The following NELL1 variants were observed in gnomAD, a reference collection of about 807,000 sequenced individuals.
NELL1 encodes the protein neural EGFL like 1, also known as protein kinase C-binding protein NELL1.
In NELL1, 76 loss-of-function variants were observed where a neutral mutation model predicts 107.4. The ratio of observed to expected loss-of-function variants is 0.71; its 90% CI spans 0.59 to 0.86. NELL1 has a LOEUF of 0.86. Among genes scored for constraint, NELL1 ranks in the 40% least tolerant of loss-of-function variants. NELL1 has a pLI of 0.00. For missense variants in NELL1, 1,024 were observed against 1,005.5 expected (o/e 1.02, Z -0.25); for synonymous variants, 353 against 341.2 (o/e 1.03, Z -0.38).
intron 17 of NELL1, among the ~76,000 whole-genome samples, chr11:21,569,455 TATGATGATG>T (rs147067365): frequency 9.6e-4 from 144 of 149,774 alleles, no homozygotes; most frequent in Admixed American, 1.1e-3. Context: ...CATGGTAGAA[TATGATGATG>T]ATGATGATGA....
chr11:21,310,319 A>C (rs935373296), intron 14 of NELL1, among the ~76,000 whole-genome samples: 1 of 152,222 alleles, frequency 6.6e-6, no homozygotes, highest in Non-Finnish European at 1.5e-5. Flanking sequence ...ACATGCTGAT[A>C]ATTACGGTAT....
chr11:21,398,426 A>T (rs2133792953), intron 15 of NELL1, among the ~76,000 whole-genome samples: 1 of 151,888 alleles, frequency 6.6e-6, no homozygotes, highest in Non-Finnish European at 1.5e-5. Flanking sequence ...AATGTGCATG[A>T]GTCCAGCTTT....
At chr11:21,030,715 T>C (rs1487694056) in intron 12 of NELL1, among the ~76,000 whole-genome samples, 1 of 151,736 alleles carries the variant, frequency 6.6e-6, no homozygotes, top group African/African-American at 2.4e-5. Context: ...GTTCTAAAAC[T>C]TATTTGTTAA....
intron 2 of NELL1, among the ~76,000 whole-genome samples, chr11:20,705,181 C>A (rs1044323451): frequency 2.5e-4 from 38 of 152,002 alleles, no homozygotes; most frequent in Non-Finnish European, 5.3e-4. Context: ...TCATATGGAA[C>A]CAAAAAAGAG....
chr11:21,406,555 ATTGAGC>A (rs1852241128), intron 15 of NELL1, among the ~76,000 whole-genome samples: 1 of 152,058 alleles, frequency 6.6e-6, no homozygotes, highest in African/African-American at 2.4e-5. Flanking sequence ...GTTAAGATAA[ATTGAGC>A]TTCTTGTCCA....
At position 21,570,940 on chromosome 11, in the gene NELL1, G is replaced by A. The variant is rs749645610; in HGVS notation, c.2157G>A (p.Leu719=). The A allele has an allele frequency of 6.2e-7, 1 of 1,610,026 alleles. No homozygotes were observed. Among genetic ancestry groups the A allele is most frequent in the Non-Finnish European group, 8.5e-7 (1 of 1,177,466 alleles). ...WTHSCQQCRC[L]EGEVDCWPLT... Reference sequence around the variant, plus strand: ...ATAGCTGTCAGCAGTGTCGGTGTCTGGTATGTTGGCTTCCTTTATAAGGTG... The same window carrying A: ...ATAGCTGTCAGCAGTGTCGGTGTCTAGTATGTTGGCTTCCTTTATAAGGTG... Residue 719 remains leucine, a splice_region_variant and synonymous_variant, in exon 18 of 20, where the codon CTG becomes CTA. Transcript: ENST00000357134.
chr11:21,284,571 T>C (rs1299761097), intron 14 of NELL1: 1 of 452,228 alleles, frequency 2.2e-6, no homozygotes, highest in Non-Finnish European at 4.5e-6. Context: ...GCAGTGAGTA[T>C]CCCAGCCCCA....
chr11:20,742,946 C>T (rs1450539295), intron 2 of NELL1, among the ~76,000 whole-genome samples: 1 of 152,114 alleles, frequency 6.6e-6, no homozygotes, highest in African/African-American at 2.4e-5. Flanking sequence ...TTTCTGTGTG[C>T]ACATTTTCAA....
intron 13 of NELL1, among the ~76,000 whole-genome samples, chr11:21,174,445 C>A (rs56991061): frequency 0.021 from 3,179 of 151,788 alleles, 207 homozygotes; most frequent in African/African-American, 0.074. Flanking sequence ...GAGCTATTGA[C>A]CTTGATATAT....
At chr11:21,230,960 A>T (rs1022806175) in intron 14 of NELL1, among the ~76,000 whole-genome samples, 1 of 152,158 alleles carries the variant, frequency 6.6e-6, no homozygotes, top group Non-Finnish European at 1.5e-5. Context: ...TTTTTGCAGC[A>T]CTGTTTATAT....
At chr11:20,893,287 G>C (rs1327633165) in intron 5 of NELL1, among the ~76,000 whole-genome samples, 1 of 151,640 alleles carries the variant, frequency 6.6e-6, no homozygotes, top group Non-Finnish European at 1.5e-5. Flanking sequence ...AGGGAATTTA[G>C]AGGATGGATC....
intron 13 of NELL1, among the ~76,000 whole-genome samples, chr11:21,165,082 A>C (rs1856451718): frequency 6.6e-6 from 1 of 152,194 alleles, no homozygotes; most frequent in Non-Finnish European, 1.5e-5. Flanking sequence ...TATTGTTATT[A>C]ATCTTGAAAG....
intron 16 of NELL1, among the ~76,000 whole-genome samples, chr11:21,552,237 T>A (rs571720709): frequency 2.3e-3 from 342 of 151,666 alleles, no homozygotes; most frequent in African/African-American, 7.9e-3. Flanking sequence ...TGTATACATA[T>A]GTAACTAACC....
chr11:21,228,696 CTCCTT>C, intron 13 of NELL1, among the ~76,000 whole-genome samples: 2 of 5,730 alleles, frequency 3.5e-4, no homozygotes, highest in Non-Finnish European at 8.3e-4. Flanking sequence ...CCCCTCCCCT[CTCCTT>C]CCCTCCCCTC....
chr11:21,287,109 T>C (rs776605365), intron 14 of NELL1, among the ~76,000 whole-genome samples: 8 of 152,248 alleles, frequency 5.3e-5, no homozygotes, highest in Non-Finnish European at 1.2e-4. Flanking sequence ...GTGAATTTTA[T>C]TAATTCATTA....
At chr11:21,316,676 C>G (rs1480001281) in intron 14 of NELL1, among the ~76,000 whole-genome samples, 1 of 152,160 alleles carries the variant, frequency 6.6e-6, no homozygotes, top group Non-Finnish European at 1.5e-5. Flanking sequence ...AGAGAATTGT[C>G]TCCCTAAAAA....
intron 14 of NELL1, among the ~76,000 whole-genome samples, chr11:21,330,688 G>T (rs1409014300): frequency 6.6e-6 from 1 of 151,856 alleles, no homozygotes; most frequent in Admixed American, 6.6e-5. Flanking sequence ...TTTTTACTAT[G>T]ATGTGTCTGG....
intron 4 of NELL1, among the ~76,000 whole-genome samples, chr11:20,858,478 G>T (rs1336738543): frequency 1.3e-5 from 2 of 152,176 alleles, no homozygotes; most frequent in African/African-American, 4.8e-5. Flanking sequence ...ATTTATCAAG[G>T]TTTAACCTTT....
At chr11:20,786,243 G>T (rs148888114) in intron 3 of NELL1, among the ~76,000 whole-genome samples, 1 of 151,404 alleles carries the variant, frequency 6.6e-6, no homozygotes, top group Admixed American at 6.6e-5. Context: ...CCAGCTACTC[G>T]GGAGGCTGAG....
Sources: allele counts gnomAD v4.1 joint callset (sites outside exome capture counted in the v4.1 genomes callset), GRCh38; gene constraint gnomAD v4.1.1; transcripts MANE v1.5; gene names NCBI Gene and HGNC (gene_info 2026-07-23, HGNC 2026-07-21).